The following MAGI1 variants were observed in gnomAD, a reference collection of about 807,000 sequenced individuals.
The protein encoded by MAGI1 is membrane-associated guanylate kinase, WW and PDZ domain-containing protein 1.
A neutral mutation model predicts 139.9 loss-of-function variants in MAGI1; 58 were observed. The ratio of observed to expected loss-of-function variants is 0.41; its 90% CI spans 0.34 to 0.52. The LOEUF is 0.52. Ranked by LOEUF, MAGI1 falls within the 20% of genes least tolerant of loss-of-function variation. The pLI, the probability that MAGI1 is intolerant of heterozygous loss-of-function variation, is 0.12. For missense variants in MAGI1, 1,874 were observed against 1,901.6 expected, an observed-to-expected ratio of 0.99 and a Z score of 0.27; for synonymous variants, 812 against 737.9, an observed-to-expected ratio of 1.10 and a Z score of -1.63.
intron 8 of MAGI1, among the ~76,000 whole-genome samples, chr3:65,442,267 C>A (rs920772695): frequency 2.6e-5 from 4 of 152,232 alleles, no homozygotes; most frequent in Middle Eastern, 3.4e-3. Context: ...CAAAGAAACA[C>A]ACAAAGTCTG....
At chr3:65,780,134 C>A (rs891256011) in intron 1 of MAGI1, among the ~76,000 whole-genome samples, 1 of 152,078 alleles carries the variant, frequency 6.6e-6, no homozygotes, top group African/African-American at 2.4e-5. Context: ...GTGATCCTCC[C>A]ACCTCAGCCT....
chr3:65,478,716 C>A lies in MAGI1; in HGVS notation c.633G>T (p.Gln211His), dbSNP rs1448810751. 3.7e-6 allele frequency: 6 copies of A among 1,614,102 alleles called. No individual in the cohort carries two copies. Among genetic ancestry groups the A allele is most frequent in the South Asian group, 3.3e-5 (3 of 91,088 alleles). The change falls in exon 4 of 23, where the codon CAG (glutamine) becomes CAT (histidine). Residue 211 changes from glutamine to histidine, a missense_variant. Physicochemically the swap from Gln to His is conservative, Grantham distance 24. Transcript: ENST00000402939. Reference protein sequence around the residue: ...VITTDALHSLQSGSKQSTPKR... With the variant: ...VITTDALHSLHSGSKQSTPKR... ...TCGGGGTCGACTGCTTAGAGCCAGA[C>A]TGAAGGCTGTGCAAGGCATCCGTCG... is the stretch of plus-strand genomic sequence containing the variant.
chr3:65,967,606 C>A (rs1404953172), intron 1 of MAGI1, among the ~76,000 whole-genome samples: 1 of 152,192 alleles, frequency 6.6e-6, no homozygotes, highest in African/African-American at 2.4e-5. Flanking sequence ...GAAACCATCT[C>A]CCAATTGAAA....
intron 16 of MAGI1, among the ~76,000 whole-genome samples, chr3:65,380,530 C>T (rs1029336998): frequency 6.6e-6 from 1 of 152,150 alleles, no homozygotes; most frequent in East Asian, 1.9e-4. Flanking sequence ...CTCCACCCCC[C>T]ACCAACCATC....
In MAGI1 at chr3:65,430,881, C is replaced by A. The variant is rs374712093; in HGVS notation, c.1364G>T (p.Gly455Val). Residue 455 changes from glycine (G) to valine (V), a missense_variant and splice_region_variant, in exon 11 of 23, where the codon GGC becomes GTC. Gly to Val is a moderately radical substitution (Grantham distance 109). Transcript: ENST00000402939. ...PEPAREVPLQ[G>V]KPFFTRNPSE... Reference sequence around the variant, plus strand: ...AGGGTTTCGTGTAAAAAAGGGTTTGCCTGGATTAAAATAAGAAACGCATAA... The same window carrying A: ...AGGGTTTCGTGTAAAAAAGGGTTTGACTGGATTAAAATAAGAAACGCATAA... 1.9e-6 allele frequency: 3 copies of A among 1,612,500 alleles called. No homozygotes were observed. Among genetic ancestry groups the A allele is most frequent in the African/African-American group, 2.7e-5 (2 of 74,716 alleles).
chr3:65,559,455 T>C (rs1231663800), intron 2 of MAGI1, among the ~76,000 whole-genome samples: 1 of 152,214 alleles, frequency 6.6e-6, no homozygotes, highest in Admixed American at 6.5e-5. Context: ...TAATCATAAC[T>C]TGAAAATATT....
chr3:65,467,292 A>T (rs1311461787), intron 5 of MAGI1, among the ~76,000 whole-genome samples: 2 of 152,254 alleles, frequency 1.3e-5, no homozygotes, highest in African/African-American at 4.8e-5. Context: ...ATATATTTGC[A>T]TGTGAGTGTA....
At chr3:65,923,462 T>C (rs1458251696) in intron 1 of MAGI1, among the ~76,000 whole-genome samples, 2 of 152,066 alleles carry the variant, frequency 1.3e-5, no homozygotes, top group East Asian at 1.9e-4. Flanking sequence ...CTTGACCTCA[T>C]GATCCGCCCA....
intron 1 of MAGI1, among the ~76,000 whole-genome samples, chr3:65,680,279 G>A (rs976386534): frequency 1.4e-4 from 21 of 152,078 alleles, no homozygotes; most frequent in African/African-American, 4.8e-4. Flanking sequence ...CAAGCTATAC[G>A]GCACCATCTC....
intron 1 of MAGI1, among the ~76,000 whole-genome samples, chr3:65,692,786 T>A (rs1442664219): frequency 6.6e-6 from 1 of 152,120 alleles, no homozygotes; most frequent in Non-Finnish European, 1.5e-5. Flanking sequence ...AGTTTGGCTG[T>A]CTCTTGTGAG....
At chr3:65,587,670 T>C (rs1320391908) in intron 2 of MAGI1, among the ~76,000 whole-genome samples, 1 of 151,752 alleles carries the variant, frequency 6.6e-6, no homozygotes, top group Non-Finnish European at 1.5e-5. Flanking sequence ...TTTGTAGAGA[T>C]GAGGTTTCAC....
At chr3:65,664,042 C>A (rs959683512) in intron 1 of MAGI1, among the ~76,000 whole-genome samples, 2 of 152,122 alleles carry the variant, frequency 1.3e-5, no homozygotes, top group African/African-American at 2.4e-5. Context: ...AAACATATAT[C>A]TCAACTAAGT....
At chr3:65,486,319 A>T (rs1951633580) in intron 3 of MAGI1, among the ~76,000 whole-genome samples, 1 of 152,164 alleles carries the variant, frequency 6.6e-6, no homozygotes, top group East Asian at 1.9e-4. Flanking sequence ...GCAATGCTCA[A>T]AGTGTATAAT....
intron 13 of MAGI1, among the ~76,000 whole-genome samples, chr3:65,398,757 AT>A (rs1355484335): frequency 2.0e-5 from 3 of 152,226 alleles, no homozygotes; most frequent in African/African-American, 7.2e-5. Flanking sequence ...TGTCTCTGCT[AT>A]TTGGCAGAAA....
intron 1 of MAGI1, among the ~76,000 whole-genome samples, chr3:65,740,164 C>G (rs1559837614): frequency 6.6e-6 from 1 of 152,180 alleles, no homozygotes; most frequent in African/African-American, 2.4e-5. Flanking sequence ...AACATAACAA[C>G]CCATATTCAT....
rs1430532958 is a variant in MAGI1, at chr3:65,946,104, C to T, written c.313+91892G>A. ...GCCTGGCCCTAGGGTCCGCCTACAG[C>T]ATGGACACTGGAAGGGGGTGGCCAC... is the stretch of plus-strand genomic sequence containing the variant. On this transcript the variant is annotated intron_variant, in intron 1 of 22. Transcript: ENST00000402939. 2.0e-5 allele frequency among the ~76,000 whole-genome samples: 3 copies of T among 152,214 alleles called. No homozygotes were observed. The South Asian group carries it at 6.2e-4, about 32-fold the overall frequency.
At chr3:65,963,571 G>A (rs369234748) in intron 1 of MAGI1, among the ~76,000 whole-genome samples, 50 of 152,194 alleles carry the variant, frequency 3.3e-4, no homozygotes, top group African/African-American at 1.1e-3. Context: ...AGCCAAGATC[G>A]CGCCACTGTA....
chr3:65,855,102 C>G (rs889340813), intron 1 of MAGI1, among the ~76,000 whole-genome samples: 1 of 152,070 alleles, frequency 6.6e-6, no homozygotes, highest in Non-Finnish European at 1.5e-5. Flanking sequence ...AAAACCTGCC[C>G]AAATCCGTGG....
chr3:65,686,617 G>C lies in MAGI1; in HGVS notation c.314-64529C>G, dbSNP rs2088058584. On this transcript the variant is annotated intron_variant, in intron 1 of 22. Transcript: ENST00000402939. ...TGTAGGGTTGTTTTCTAAATGCAGA[G>C]AGGAAGGGGATTGTTGCAGCAACTG... is the stretch of plus-strand genomic sequence containing the variant. Among the ~76,000 whole-genome samples the C allele has an allele frequency of 2.0e-5, 3 of 152,178 alleles. No individual in the cohort carries two copies. In the South Asian group the frequency reaches 6.2e-4, roughly 32 times the overall value.
Sources: allele counts gnomAD v4.1 joint callset (sites outside exome capture counted in the v4.1 genomes callset), GRCh38; gene constraint gnomAD v4.1.1; transcripts MANE v1.5; gene names NCBI Gene and HGNC (gene_info 2026-07-23, HGNC 2026-07-21).